SNAPC3: variants seen among roughly 807,000 people sequenced by gnomAD.
The protein encoded by SNAPC3 is snRNA-activating protein complex subunit 3.
A neutral mutation model predicts 47.7 loss-of-function variants in SNAPC3; 56 were observed. The observed-to-expected ratio is 1.18, with a 90% confidence interval of 0.95 to 1.47. The LOEUF (loss-of-function observed/expected upper bound fraction) is 1.47, where lower values mean the gene tolerates loss of function less well. SNAPC3 is among the 40% of genes most tolerant of loss of function. The probability of loss-of-function intolerance (pLI) is 0.00; values close to 1 mark genes in which losing one functional copy is unlikely to be tolerated. For synonymous variants in SNAPC3, 235 were observed against 189.9 expected, an observed-to-expected ratio of 1.24 and a Z score of -1.95; for missense variants, 665 against 511.3, an observed-to-expected ratio of 1.30 and a Z score of -2.90.
chr9:15,442,671 C>T (rs182984266), intron 3 of SNAPC3, among the ~76,000 whole-genome samples: 1 of 152,196 alleles, frequency 6.6e-6, no homozygotes, highest in East Asian at 1.9e-4. Context: ...GGAAGAGACG[C>T]TCCGCACTTC....
At chr9:15,453,397 G>T in intron 7 of SNAPC3, 192 bp downstream of exon 7, 1 of 470,708 alleles carries the variant, frequency 2.1e-6, no homozygotes, top group African/African-American at 2.0e-5. Flanking sequence ...ATCCTCTATT[G>T]TTCATTATTT....
intron 3 of SNAPC3, among the ~76,000 whole-genome samples, chr9:15,436,874 A>T (rs905513180): frequency 7.5e-6 from 1 of 133,528 alleles, no homozygotes; most frequent in Non-Finnish European, 1.5e-5. Flanking sequence ...CCCAGGCTGG[A>T]GTGCAATGGT....
rs191931130 is a variant in SNAPC3, at chr9:15,452,005, C to T, written c.815+603C>T. On this transcript the variant is annotated intron_variant, in intron 6 of 8. Coordinates refer to ENST00000380821, the MANE Select transcript of SNAPC3 (RefSeq NM_001039697.2). ...AAATGAAAAAGTCTCGTTCTGTCAC[C>T]CAGTCTGGAGTATGGTGGCACGATC... Among the ~76,000 whole-genome samples the T allele has an allele frequency of 3.9e-5, 6 of 152,234 alleles. No individual in the cohort carries two copies. In the East Asian group the frequency reaches 9.6e-4, roughly 24 times the overall value.
intron 3 of SNAPC3, among the ~76,000 whole-genome samples, chr9:15,438,016 T>C (rs1011462545): frequency 6.6e-6 from 1 of 152,228 alleles, no homozygotes; most frequent in Non-Finnish European, 1.5e-5. Context: ...AGGAAGTGTT[T>C]ACTCCTTTTG....
At chr9:15,433,407 A>T (rs2032410095) in intron 2 of SNAPC3, 145 bp from the exon 3 acceptor site, 2 of 641,898 alleles carry the variant, frequency 3.1e-6, no homozygotes, top group South Asian at 3.6e-5. Flanking sequence ...AGGGAAGCTG[A>T]ACAAGAGATA....
At chr9:15,455,379 C>T (rs1206200168) in intron 7 of SNAPC3, among the ~76,000 whole-genome samples, 1 of 152,096 alleles carries the variant, frequency 6.6e-6, no homozygotes, top group Non-Finnish European at 1.5e-5. Context: ...CCGGCCTGGC[C>T]AACATGGTGA....
At chr9:15,446,281 A>T (rs1466727649) in intron 4 of SNAPC3, among the ~76,000 whole-genome samples, 1 of 152,170 alleles carries the variant, frequency 6.6e-6, no homozygotes. Flanking sequence ...CAGCAGTACA[A>T]TCATGGCTCA....
chr9:15,445,089 G>T (rs923352929), intron 4 of SNAPC3, among the ~76,000 whole-genome samples: 1 of 152,144 alleles, frequency 6.6e-6, no homozygotes, highest in South Asian at 2.1e-4. Flanking sequence ...GTGAGACCCT[G>T]TCTAATAAAT....
chr9:15,424,052 G>C, intron 2 of SNAPC3, 66 bp downstream of exon 2: 1 of 912,888 alleles, frequency 1.1e-6, no homozygotes, highest in Admixed American at 2.6e-5. Flanking sequence ...GTTTTGAAAA[G>C]TTGAAAGTGC....
intron 4 of SNAPC3, 112 bp from the exon 5 acceptor site, chr9:15,446,983 G>C: frequency 1.1e-6 from 1 of 903,430 alleles, no homozygotes; most frequent in South Asian, 1.5e-5. Context: ...AAGTTATGGG[G>C]ACAATTTAAA....
chr9:15,440,492 T>A (rs2033226047), intron 3 of SNAPC3, among the ~76,000 whole-genome samples: 1 of 152,156 alleles, frequency 6.6e-6, no homozygotes, highest in South Asian at 2.1e-4. Flanking sequence ...TTTTCTTTCA[T>A]GGGTTTAAAT....
intron 3 of SNAPC3, among the ~76,000 whole-genome samples, chr9:15,436,377 G>A (rs2032804833): frequency 6.6e-6 from 1 of 152,172 alleles, no homozygotes; most frequent in Admixed American, 6.5e-5. Context: ...TAAGGTAAGG[G>A]TTTGATTTCA....
At chr9:15,441,468 C>A (rs976542319) in intron 3 of SNAPC3, among the ~76,000 whole-genome samples, 1 of 129,896 alleles carries the variant, frequency 7.7e-6, no homozygotes, top group African/African-American at 2.9e-5. Flanking sequence ...GGTCATAGGA[C>A]AATAGTGGAG....
At chr9:15,433,882 T>G (rs537798752) in intron 3 of SNAPC3, 14 of 302,566 alleles carry the variant, frequency 4.6e-5, no homozygotes, top group South Asian at 1.2e-4. Context: ...CTTTCGGTAT[T>G]AGGCTAAATT....
chr9:15,435,969 A>G (rs10481556), intron 3 of SNAPC3, among the ~76,000 whole-genome samples: 137,864 of 151,446 alleles, frequency 0.91, 62,985 homozygotes, highest in African/African-American at 0.95. Context: ...TCTGCCTCCC[A>G]AGTGGCTGGG....
chr9:15,423,734 T>G (rs1394909387), intron 1 of SNAPC3, among the ~76,000 whole-genome samples, 175 bp from the exon 2 acceptor site: 1 of 152,248 alleles, frequency 6.6e-6, no homozygotes, highest in East Asian at 1.9e-4. Flanking sequence ...CATCGGCCTT[T>G]TCATTATAAA....
chr9:15,424,541 AAAC>A (rs2031076781), intron 2 of SNAPC3, among the ~76,000 whole-genome samples: 1 of 151,200 alleles, frequency 6.6e-6, no homozygotes, highest in African/African-American at 2.5e-5. Flanking sequence ...TAAAAAAGAC[AAAC>A]ACAATATAAG....
At chr9:15,435,888 A>G (rs1355063846) in intron 3 of SNAPC3, among the ~76,000 whole-genome samples, 2 of 124,276 alleles carry the variant, frequency 1.6e-5, no homozygotes, top group Admixed American at 2.1e-4. Context: ...TTGTTGCCCA[A>G]CCTAGAGTAC....
downstream of SNAPC3, among the ~76,000 whole-genome samples, chr9:15,466,249 G>C (rs1455193339): frequency 6.6e-6 from 1 of 152,108 alleles, no homozygotes; most frequent in African/African-American, 2.4e-5. Flanking sequence ...CGTGGTGGCA[G>C]GTGCCTGTAA....
Sources: gnomAD v4.1 joint callset for allele counts (sites outside exome capture counted in the v4.1 genomes callset) on GRCh38, gnomAD v4.1.1 for gene constraint, MANE v1.5 for transcripts, NCBI Gene and HGNC (gene_info 2026-07-23, HGNC 2026-07-21) for gene names.